Variants in FREM1 observed in about 807,000 individuals in gnomAD.
FREM1 encodes the protein FRAS1-related extracellular matrix protein 1.
In FREM1, 220 loss-of-function variants were observed where a neutral mutation model predicts 210.1. The ratio of observed to expected loss-of-function variants is 1.05; its 90% CI spans 0.94 to 1.17. FREM1 has a LOEUF of 1.17. Among genes scored for constraint, FREM1 ranks in the 50% most tolerant of loss-of-function variants. FREM1 has a pLI of 0.00. For missense variants in FREM1, 3,454 were observed against 2,675.5 expected (o/e 1.29, Z -6.42); for synonymous variants, 1,189 against 980.2 (o/e 1.21, Z -3.98).
chr9:14,820,583 C>T (rs978173841), intron 13 of FREM1, among the ~76,000 whole-genome samples: 3 of 152,158 alleles, frequency 2.0e-5, no homozygotes, highest in Non-Finnish European at 2.9e-5. Context: ...CTGGACACCA[C>T]GGCACAGTGC....
chr9:14,884,815 C>T (rs1835471719), intron 1 of FREM1, among the ~76,000 whole-genome samples: 2 of 151,674 alleles, frequency 1.3e-5, no homozygotes, highest in South Asian at 4.2e-4. Context: ...TACTATTCTT[C>T]CTCTCTGGAA....
At chr9:14,847,220 C>T (rs1826807060) in intron 7 of FREM1, among the ~76,000 whole-genome samples, 1 of 152,114 alleles carries the variant, frequency 6.6e-6, no homozygotes, top group Admixed American at 6.5e-5. Context: ...GACATCAACA[C>T]TGCAGAGCAA....
In FREM1 at chr9:14,780,433, G is replaced by GAAA. The variant is rs58017285; in HGVS notation, c.4442+3934_4442+3936dup. Among the ~76,000 whole-genome samples, 114 of 81,548 alleles carry GAAA rather than the reference G, an allele frequency of 1.4e-3. 11 individuals are homozygous for GAAA. Among genetic ancestry groups the GAAA allele is most frequent in the Admixed American group, 1.8e-3 (13 of 7,138 alleles). 53.5% of individuals were successfully genotyped at this position (81,548 alleles called of 152,430 possible). A position where few individuals can be genotyped will look rare whatever the true frequency, so the allele number is the denominator to read the frequency against. Reference sequence around the variant, plus strand: ...AATCATAAATAGCGCCAGCTCCTCAGAAAAAAAAAAAAAAAAAGTCCAGCC... The same window carrying GAAA: ...AATCATAAATAGCGCCAGCTCCTCAGAAAAAAAAAAAAAAAAAAAAGTCCAGCC... On this transcript the variant is annotated intron_variant, in intron 24 of 36. Transcript: ENST00000380880.
At chr9:14,843,716 G>C (rs1826095766) in intron 8 of FREM1, among the ~76,000 whole-genome samples, 1 of 151,138 alleles carries the variant, frequency 6.6e-6, no homozygotes, top group Non-Finnish European at 1.5e-5. Flanking sequence ...TCTTAGAGGA[G>C]TGGTCTCAAA....
chr9:14,860,600 TACACATATATAC>T (rs1390246858), intron 3 of FREM1, among the ~76,000 whole-genome samples: 22 of 95,326 alleles, frequency 2.3e-4, no homozygotes, highest in Non-Finnish European at 2.9e-4. Flanking sequence ...TATACATATA[TACACATATATAC>T]ACACATATAT....
intron 6 of FREM1, among the ~76,000 whole-genome samples, chr9:14,849,823 A>C (rs887689110): frequency 2.0e-5 from 3 of 152,208 alleles, no homozygotes; most frequent in Non-Finnish European, 2.9e-5. Flanking sequence ...TTAAGAGTAC[A>C]TTATACAATG....
chr9:14,746,833 T>G (rs1587668413), intron 34 of FREM1, 90 bp downstream of exon 34: 1 of 1,419,660 alleles, frequency 7.0e-7, no homozygotes. Context: ...GTAGCATGGG[T>G]TGAGTCATGC....
At chr9:14,843,727 C>G (rs961695014) in intron 8 of FREM1, among the ~76,000 whole-genome samples, 1 of 151,656 alleles carries the variant, frequency 6.6e-6, no homozygotes, top group Admixed American at 6.6e-5. Flanking sequence ...TGGTCTCAAA[C>G]CAGCAGCCTC....
chr9:14,780,008 G>A (rs1457436609), intron 24 of FREM1, among the ~76,000 whole-genome samples: 2 of 152,090 alleles, frequency 1.3e-5, no homozygotes, highest in African/African-American at 4.8e-5. Flanking sequence ...AGCAGTACAC[G>A]TGAAAAAAGG....
chr9:14,759,446 G>C (rs1845043647), intron 28 of FREM1, among the ~76,000 whole-genome samples: 1 of 151,110 alleles, frequency 6.6e-6, no homozygotes, highest in African/African-American at 2.4e-5. Context: ...GGAGGTGGAG[G>C]TTGCTGTGAG....
At chr9:14,746,715 T>G (rs1042204963) in intron 34 of FREM1, among the ~76,000 whole-genome samples, 3 of 152,202 alleles carry the variant, frequency 2.0e-5, no homozygotes, top group Admixed American at 6.5e-5. Context: ...TAAGTAAACA[T>G]CTTCTTAAAT....
At chr9:14,776,424 CATT>C (rs1344626517) in intron 24 of FREM1, among the ~76,000 whole-genome samples, 2 of 152,200 alleles carry the variant, frequency 1.3e-5, no homozygotes, top group African/African-American at 4.8e-5. Context: ...TTCCCAACAA[CATT>C]AATGACAGAC....
intron 1 of FREM1, among the ~76,000 whole-genome samples, chr9:14,895,723 T>G (rs1299724037): frequency 6.6e-6 from 1 of 152,036 alleles, no homozygotes; most frequent in African/African-American, 2.4e-5. Flanking sequence ...AGATATCACC[T>G]TTTGTTGGAA....
intron 8 of FREM1, among the ~76,000 whole-genome samples, chr9:14,843,266 C>A (rs1206685441): frequency 6.6e-6 from 1 of 152,144 alleles, no homozygotes; most frequent in Non-Finnish European, 1.5e-5. Context: ...ATTTGTGCCT[C>A]CACCCTCCAC....
At chr9:14,746,004 A>G (rs1187056889) in intron 35 of FREM1, among the ~76,000 whole-genome samples, 1 of 99,042 alleles carries the variant, frequency 1.0e-5, no homozygotes, top group Non-Finnish European at 2.3e-5. Flanking sequence ...CTGCTGACTC[A>G]GAAAATCTTC....
chr9:14,740,955 G>A (rs1841470158), intron 35 of FREM1, among the ~76,000 whole-genome samples: 1 of 151,942 alleles, frequency 6.6e-6, no homozygotes. Context: ...TAAGTAAGAA[G>A]CCACTAAGTA....
chr9:14,865,640 T>C (rs1398291847), intron 2 of FREM1, among the ~76,000 whole-genome samples: 3 of 150,810 alleles, frequency 2.0e-5, no homozygotes, highest in East Asian at 3.9e-4. Flanking sequence ...TACTAAGCTC[T>C]ATTAAAGAAT....
At chr9:14,841,142 C>A (rs1272613510) in intron 10 of FREM1, among the ~76,000 whole-genome samples, 2 of 152,172 alleles carry the variant, frequency 1.3e-5, no homozygotes, top group African/African-American at 2.4e-5. Context: ...AATTTAATCA[C>A]CACATATAAA....
intron 1 of FREM1, among the ~76,000 whole-genome samples, chr9:14,896,691 A>C (rs552534126): frequency 1.3e-5 from 2 of 152,310 alleles, no homozygotes; most frequent in South Asian, 4.1e-4. Context: ...TTACTTTCTT[A>C]ATAAACTTGC....
Sources: allele counts gnomAD v4.1 joint callset (sites outside exome capture counted in the v4.1 genomes callset), GRCh38; gene constraint gnomAD v4.1.1; transcripts MANE v1.5; gene names NCBI Gene and HGNC (gene_info 2026-07-23, HGNC 2026-07-21).